KHDRBS2: variants seen among roughly 807,000 people sequenced by gnomAD.
The protein encoded by KHDRBS2 is KH domain-containing, RNA-binding, signal transduction-associated protein 2.
A neutral mutation model predicts 44.3 loss-of-function variants in KHDRBS2; 26 were observed. The observed-to-expected ratio is 0.59, with a 90% CI of 0.43 to 0.81. The LOEUF (loss-of-function observed/expected upper bound fraction) is 0.81, where lower values mean the gene tolerates loss of function less well. Among genes scored for constraint, KHDRBS2 ranks in the 40% least tolerant of loss-of-function variants. KHDRBS2 has a pLI of 0.00. For synonymous variants in KHDRBS2, 194 were observed against 151.1 expected (o/e 1.28, Z -2.08); for missense variants, 476 against 433.1 (o/e 1.10, Z -0.88).
At chr6:62,184,758 C>CT (rs1438840600) in intron 1 of KHDRBS2, among the ~76,000 whole-genome samples, 1 of 151,746 alleles carries the variant, frequency 6.6e-6, no homozygotes, top group Non-Finnish European at 1.5e-5. Context: ...TTGCATAATT[C>CT]TTTTTCTTTT....
intron 2 of KHDRBS2, among the ~76,000 whole-genome samples, chr6:62,080,929 T>C (rs1317428104): frequency 2.0e-5 from 3 of 152,260 alleles, no homozygotes; most frequent in East Asian, 3.9e-4. Flanking sequence ...CTATAGCTTA[T>C]GGTCTCTCTT....
the KHDRBS2 span, among the ~76,000 whole-genome samples, chr6:61,547,621 T>C: frequency 1.3e-5 from 2 of 152,240 alleles, no homozygotes; most frequent in Admixed American, 6.5e-5. Context: ...TCTTAATCCC[T>C]GGTTTGCATC....
the KHDRBS2 span, among the ~76,000 whole-genome samples, chr6:61,664,434 GA>G: frequency 2.0e-5 from 3 of 151,450 alleles, no homozygotes; most frequent in East Asian, 2.0e-4. Flanking sequence ...TCTGACATAG[GA>G]AAAAAACAAC....
chr6:61,610,659 C>T, the KHDRBS2 span, among the ~76,000 whole-genome samples: 1 of 152,140 alleles, frequency 6.6e-6, no homozygotes, highest in Admixed American at 6.5e-5. Flanking sequence ...TTGTCTCTCC[C>T]TAGAGCAAGC....
At chr6:62,258,717 GTA>G (rs1023951468) in intron 1 of KHDRBS2, among the ~76,000 whole-genome samples, 128 of 152,108 alleles carry the variant, frequency 8.4e-4, no homozygotes, top group African/African-American at 3.0e-3. Context: ...ATCCCATTAT[GTA>G]TATATAAATA....
At chr6:62,009,164 G>A (rs1779823630) in intron 3 of KHDRBS2, among the ~76,000 whole-genome samples, 1 of 152,224 alleles carries the variant, frequency 6.6e-6, no homozygotes, top group Non-Finnish European at 1.5e-5. Context: ...AATCCAGTCT[G>A]AGGTGGTCTC....
At chr6:62,028,163 A>T (rs1047385118) in intron 3 of KHDRBS2, among the ~76,000 whole-genome samples, 1 of 152,126 alleles carries the variant, frequency 6.6e-6, no homozygotes, top group Non-Finnish European at 1.5e-5. Flanking sequence ...ATCAGCTGGT[A>T]CTGGGAAAAA....
chr6:61,567,762 T>C, the KHDRBS2 span, among the ~76,000 whole-genome samples: 1 of 152,162 alleles, frequency 6.6e-6, no homozygotes, highest in Non-Finnish European at 1.5e-5. Flanking sequence ...ACTCTCTCTT[T>C]CCCTTTCTCT....
chr6:62,196,345 TA>T (rs1316688005), intron 1 of KHDRBS2, among the ~76,000 whole-genome samples: 4 of 152,166 alleles, frequency 2.6e-5, no homozygotes, highest in Non-Finnish European at 5.9e-5. Context: ...TACTTCCCAA[TA>T]AGTATACTTC....
the KHDRBS2 span, among the ~76,000 whole-genome samples, chr6:61,637,037 T>TTTA: frequency 6.6e-6 from 1 of 152,048 alleles, no homozygotes; most frequent in African/African-American, 2.4e-5. Context: ...TCTTTTTTTA[T>TTTA]TTATTATTAT....
At chr6:61,969,362 T>G (rs1290244407) in intron 4 of KHDRBS2, among the ~76,000 whole-genome samples, 1 of 152,074 alleles carries the variant, frequency 6.6e-6, no homozygotes, top group Non-Finnish European at 1.5e-5. Context: ...GTACACTCTC[T>G]AAACAAAGAA....
intron 2 of KHDRBS2, among the ~76,000 whole-genome samples, chr6:62,113,632 A>T (rs1298321270): frequency 1.3e-5 from 2 of 152,128 alleles, no homozygotes; most frequent in African/African-American, 4.8e-5. Context: ...ATTGAGTAAT[A>T]TTGTGAACAT....
intron 2 of KHDRBS2, among the ~76,000 whole-genome samples, chr6:62,118,618 G>A (rs961017033): frequency 6.6e-6 from 1 of 152,134 alleles, no homozygotes; most frequent in Non-Finnish European, 1.5e-5. Context: ...CAGTGGACTA[G>A]GAGAGGAAGA....
the KHDRBS2 span, among the ~76,000 whole-genome samples, chr6:61,667,864 A>T: frequency 1.6e-4 from 24 of 151,172 alleles, no homozygotes; most frequent in Non-Finnish European, 3.1e-4. Context: ...AATTATGTGG[A>T]TTCAATAAAT....
At chr6:61,548,859 AG>A in the KHDRBS2 span, among the ~76,000 whole-genome samples, 1 of 152,144 alleles carries the variant, frequency 6.6e-6, no homozygotes, top group Non-Finnish European at 1.5e-5. Context: ...GGTATGTTGG[AG>A]TTGGCCACTA....
At chr6:62,147,810 C>G (rs540894668) in intron 2 of KHDRBS2, among the ~76,000 whole-genome samples, 1 of 151,936 alleles carries the variant, frequency 6.6e-6, no homozygotes, top group Non-Finnish European at 1.5e-5. Flanking sequence ...TTTCTTTGCT[C>G]TTCTCTATAC....
intron 4 of KHDRBS2, among the ~76,000 whole-genome samples, chr6:61,913,822 A>T (rs1319498448): frequency 7.2e-5 from 11 of 151,952 alleles, no homozygotes; most frequent in Non-Finnish European, 1.5e-4. Flanking sequence ...CTAGTCTTCC[A>T]GGTAAATGGA....
At chr6:62,007,386 T>G (rs1779446381) in intron 3 of KHDRBS2, among the ~76,000 whole-genome samples, 1 of 151,724 alleles carries the variant, frequency 6.6e-6, no homozygotes, top group African/African-American at 2.4e-5. Context: ...TGGTTAAAGC[T>G]CTTTTACATT....
At chr6:61,586,311 C>T in the KHDRBS2 span, among the ~76,000 whole-genome samples, 2 of 152,120 alleles carry the variant, frequency 1.3e-5, no homozygotes, top group African/African-American at 2.4e-5. Context: ...AGAACATTGC[C>T]CCTTTAGTGG....
Sources: gnomAD v4.1 joint callset for allele counts (sites outside exome capture counted in the v4.1 genomes callset) on GRCh38, gnomAD v4.1.1 for gene constraint, MANE v1.5 for transcripts, NCBI Gene and HGNC (gene_info 2026-07-23, HGNC 2026-07-21) for gene names.